Variants in SRPK2 observed in about 807,000 individuals in gnomAD.
SRPK2 encodes SFRS protein kinase 2.
A neutral mutation model predicts 90.8 loss-of-function variants in SRPK2; 21 were observed. That is an observed-to-expected ratio of 0.23 (90% CI 0.16 to 0.33). The LOEUF is 0.33. Among genes scored for constraint, SRPK2 ranks in the 10% least tolerant of loss-of-function variants. The probability of loss-of-function intolerance (pLI) is 1.00; values close to 1 mark genes in which losing one functional copy is unlikely to be tolerated. For synonymous variants in SRPK2, 288 were observed against 311.1 expected (o/e 0.93, Z 0.78); for missense variants, 620 against 869.0 (o/e 0.71, Z 3.60).
chr7:105,314,941 C>A (rs1477382163), intron 2 of SRPK2, among the ~76,000 whole-genome samples: 1 of 152,136 alleles, frequency 6.6e-6, no homozygotes, highest in African/African-American at 2.4e-5. Context: ...TAAAAACTCA[C>A]AATAAAATGG....
chr7:105,301,646 A>G, intron 2 of SRPK2: 2 of 1,611,426 alleles, frequency 1.2e-6, no homozygotes, highest in South Asian at 1.1e-5. Flanking sequence ...GGTGATCCCA[A>G]AGCCTTCTTA....
intron 2 of SRPK2, among the ~76,000 whole-genome samples, chr7:105,252,754 T>G (rs1802655301): frequency 6.6e-6 from 1 of 151,314 alleles, no homozygotes; most frequent in Non-Finnish European, 1.5e-5. Context: ...TTTCTTTTTT[T>G]TTTTTTGAGA....
At chr7:105,148,969 G>A (rs1224248758) in intron 7 of SRPK2, among the ~76,000 whole-genome samples, 4 of 152,100 alleles carry the variant, frequency 2.6e-5, no homozygotes, top group African/African-American at 4.8e-5. Context: ...GTGGAAAGCT[G>A]CAGGGACCTC....
At chr7:105,332,227 A>G (rs1814506454) in intron 2 of SRPK2, among the ~76,000 whole-genome samples, 1 of 152,222 alleles carries the variant, frequency 6.6e-6, no homozygotes, top group South Asian at 2.1e-4. Context: ...CAAAACGTGA[A>G]GCCAAAAGCT....
rs57653042 is a variant in SRPK2 at position 105,331,308 on chromosome 7, C to CAAAAAAAAAAAAAAAAAAAAAAAAA, written c.71+57315_71+57339dup. Reference sequence around the variant, plus strand: ...TGGGCGACAGAGCGAGACTCCGTCTCAAAAAAAAAAAAAAAAAAAAAAAAA... The same window carrying CAAAAAAAAAAAAAAAAAAAAAAAAA: ...TGGGCGACAGAGCGAGACTCCGTCTCAAAAAAAAAAAAAAAAAAAAAAAAAAAAAAAAAAAAAAAAAAAAAAAAAA... On this transcript the variant is annotated intron_variant, in intron 2 of 15. Transcript: ENST00000393651. 6.7e-5 allele frequency among the ~76,000 whole-genome samples: 3 copies of CAAAAAAAAAAAAAAAAAAAAAAAAA among 45,106 alleles called. 1 individual carries two copies. The highest frequency in any genetic ancestry group is 4.7e-4 in the East Asian group (1 of 2,126). 29.6% of individuals were successfully genotyped at this position (45,106 alleles called of 152,430 possible).
At chr7:105,188,766 T>C (rs879276613) in intron 3 of SRPK2, among the ~76,000 whole-genome samples, 53 of 152,198 alleles carry the variant, frequency 3.5e-4, no homozygotes, top group Admixed American at 1.5e-3. Flanking sequence ...AAATGGGAAA[T>C]AAAAGAGAAA....
chr7:105,319,941 C>T (rs951665149), intron 2 of SRPK2, among the ~76,000 whole-genome samples: 2 of 150,878 alleles, frequency 1.3e-5, no homozygotes, highest in African/African-American at 4.9e-5. Flanking sequence ...ATTCTTGGGG[C>T]TGCCCGACTC....
At chr7:105,236,885 T>G (rs892908086) in intron 2 of SRPK2, among the ~76,000 whole-genome samples, 6 of 152,182 alleles carry the variant, frequency 3.9e-5, no homozygotes, top group African/African-American at 1.4e-4. Context: ...AATATAGAGA[T>G]AGAATCAAAA....
intron 2 of SRPK2, among the ~76,000 whole-genome samples, chr7:105,218,120 T>A (rs760411398): frequency 6.6e-6 from 1 of 152,164 alleles, no homozygotes; most frequent in African/African-American, 2.4e-5. Flanking sequence ...AAGAAAGGGC[T>A]CATCCACTTC....
chr7:105,330,291 C>G (rs536326656), intron 2 of SRPK2, among the ~76,000 whole-genome samples: 2 of 151,666 alleles, frequency 1.3e-5, no homozygotes, highest in Non-Finnish European at 2.9e-5. Flanking sequence ...GAGCCGAGAT[C>G]GCGCCACTGC....
At position 105,277,243 on chromosome 7, in the gene SRPK2, A is replaced by G. The variant is rs994432180; in HGVS notation, c.72-73458T>C. 8.6e-5 allele frequency among the ~76,000 whole-genome samples: 13 copies of G among 151,934 alleles called. No individual in the cohort carries two copies. The East Asian group carries it at 9.7e-4, about 11-fold the overall frequency. ...AGGCGCCCACTACCACGTCCGGCTA[A>G]TTTTTTGTATTTTTAGGAGAGATGG... On this transcript the variant is annotated intron_variant, in intron 2 of 15. Coordinates refer to ENST00000393651, the MANE Select transcript of SRPK2 (RefSeq NM_182692.3).
At chr7:105,257,166 G>C (rs1043114820) in intron 2 of SRPK2, among the ~76,000 whole-genome samples, 4 of 152,120 alleles carry the variant, frequency 2.6e-5, no homozygotes, top group South Asian at 2.1e-4. Context: ...TAAGTGGCTA[G>C]TGCATAGCAG....
chr7:105,194,602 G>T (rs1468628749), intron 3 of SRPK2, among the ~76,000 whole-genome samples: 2 of 152,114 alleles, frequency 1.3e-5, no homozygotes, highest in African/African-American at 4.8e-5. Flanking sequence ...GAACAATAAA[G>T]ACCTAAATAA....
At chr7:105,269,599 C>T (rs117417194) in intron 2 of SRPK2, among the ~76,000 whole-genome samples, 348 of 151,982 alleles carry the variant, frequency 2.3e-3, no homozygotes, top group Non-Finnish European at 3.2e-3. Context: ...TAGACATCTA[C>T]AACAGGAATG....
chr7:105,331,700 G>A (rs557286062), intron 2 of SRPK2, among the ~76,000 whole-genome samples: 3 of 152,100 alleles, frequency 2.0e-5, no homozygotes, highest in Middle Eastern at 3.4e-3. Context: ...GAAATCTACC[G>A]GAAAACACAG....
At chr7:105,321,504 T>A (rs1201194404) in intron 2 of SRPK2, among the ~76,000 whole-genome samples, 5 of 151,846 alleles carry the variant, frequency 3.3e-5, no homozygotes, top group Non-Finnish European at 7.4e-5. Context: ...CTTTTCTGCA[T>A]CAAATGACAT....
chr7:105,227,616 ACACTG>A (rs1585252825), intron 2 of SRPK2, among the ~76,000 whole-genome samples: 1 of 152,116 alleles, frequency 6.6e-6, no homozygotes, highest in African/African-American at 2.4e-5. Context: ...AAAATCTCTT[ACACTG>A]CAGGTAGGAA....
intron 2 of SRPK2, among the ~76,000 whole-genome samples, chr7:105,331,006 G>T (rs1310214695): frequency 6.8e-6 from 1 of 146,182 alleles, no homozygotes; most frequent in Non-Finnish European, 1.5e-5. Context: ...TTAATTAAAA[G>T]AAAAAAAAAA....
intron 2 of SRPK2, among the ~76,000 whole-genome samples, chr7:105,329,687 T>C (rs1353116073): frequency 1.3e-5 from 2 of 151,816 alleles, no homozygotes; most frequent in African/African-American, 4.8e-5. Flanking sequence ...CAATTCAGCA[T>C]TTTTCCCCAT....
Sources: gnomAD v4.1 joint callset for allele counts (sites outside exome capture counted in the v4.1 genomes callset) on GRCh38, gnomAD v4.1.1 for gene constraint, MANE v1.5 for transcripts, NCBI Gene and HGNC (gene_info 2026-07-23, HGNC 2026-07-21) for gene names.